MBD2: variants seen among roughly 807,000 people sequenced by gnomAD.
MBD2 encodes the protein methyl-CpG-binding domain protein 2.
MBD2 carries 9 observed loss-of-function variants against 39.3 expected under a neutral mutation model. The observed-to-expected ratio is 0.23, with a 90% CI of 0.14 to 0.40. The LOEUF is 0.40. Ranked by LOEUF, MBD2 falls within the 10% of genes least tolerant of loss-of-function variation. MBD2 has a pLI of 1.00. For missense variants in MBD2, 458 were observed against 532.6 expected (o/e 0.86, Z 1.38); for synonymous variants, 233 against 211.1 (o/e 1.10, Z -0.90).
At chr18:54,180,939 C>T (rs1393972579) in intron 3 of MBD2, among the ~76,000 whole-genome samples, 1 of 116,404 alleles carries the variant, frequency 8.6e-6, no homozygotes, top group Non-Finnish European at 1.6e-5. Flanking sequence ...GACAGGGTCT[C>T]ATTCTGGAGT....
At chr18:54,206,562 G>GA (rs2086451168) in intron 1 of MBD2, among the ~76,000 whole-genome samples, 1 of 152,178 alleles carries the variant, frequency 6.6e-6, no homozygotes, top group Non-Finnish European at 1.5e-5. Context: ...CTTGGAACAA[G>GA]AAAACTTCTA....
intron 4 of MBD2, among the ~76,000 whole-genome samples, chr18:54,165,135 A>G (rs1218511186): frequency 1.3e-5 from 2 of 152,204 alleles, no homozygotes; most frequent in Non-Finnish European, 2.9e-5. Context: ...GAGTACTGGT[A>G]TAGTCTCTCC....
intron 2 of MBD2, among the ~76,000 whole-genome samples, chr18:54,203,987 GAAAGTTTCTCATGACTGCATCAGCTAATA>G (rs1455505397): frequency 1.3e-5 from 2 of 152,212 alleles, no homozygotes; most frequent in African/African-American, 4.8e-5. Flanking sequence ...TGGAGCCTAA[GAAAGTTTCTCATGACTGCATCAGCTAATA>G]AGTAGCAGAG....
intron 2 of MBD2, among the ~76,000 whole-genome samples, chr18:54,201,100 A>C (rs1471864038): frequency 6.6e-6 from 1 of 151,068 alleles, no homozygotes; most frequent in African/African-American, 2.4e-5. Context: ...AAAAAAATTG[A>C]GTTATTCAGT....
intron 1 of MBD2, among the ~76,000 whole-genome samples, chr18:54,215,355 A>G (rs7233296): frequency 0.027 from 4,072 of 152,152 alleles, 181 homozygotes; most frequent in African/African-American, 0.093. Context: ...CTTTTACTTC[A>G]TTTTTCTCTT....
intron 1 of MBD2, among the ~76,000 whole-genome samples, chr18:54,210,552 G>T (rs2086495079): frequency 6.6e-6 from 1 of 152,134 alleles, no homozygotes; most frequent in Admixed American, 6.5e-5. Flanking sequence ...TGATAACATG[G>T]ATAATCATAA....
chr18:54,205,789 A>G (rs558058863), intron 1 of MBD2, among the ~76,000 whole-genome samples: 1 of 152,248 alleles, frequency 6.6e-6, no homozygotes, highest in Admixed American at 6.5e-5. Flanking sequence ...ACAGTGTAAC[A>G]GGCATACTAA....
At chr18:54,208,555 T>C (rs949870515) in intron 1 of MBD2, among the ~76,000 whole-genome samples, 1 of 152,114 alleles carries the variant, frequency 6.6e-6, no homozygotes, top group Admixed American at 6.5e-5. Flanking sequence ...TTTTGTGCAA[T>C]AAAAAACAGC....
At chr18:54,211,386 T>C (rs1412301788) in intron 1 of MBD2, among the ~76,000 whole-genome samples, 3 of 64,852 alleles carry the variant, frequency 4.6e-5, no homozygotes, top group Non-Finnish European at 8.9e-5. Context: ...ATATTATTGC[T>C]ATACACACAC....
intron 2 of MBD2, among the ~76,000 whole-genome samples, chr18:54,193,013 C>T (rs754108370): frequency 3.9e-5 from 6 of 152,128 alleles, no homozygotes; most frequent in Non-Finnish European, 5.9e-5. Flanking sequence ...GAAGCTCTGA[C>T]GACAGAATGT....
intron 1 of MBD2, among the ~76,000 whole-genome samples, chr18:54,211,028 C>T (rs566753096): frequency 6.6e-6 from 1 of 150,872 alleles, no homozygotes; most frequent in Non-Finnish European, 1.5e-5. Flanking sequence ...CCCGCCACTA[C>T]GCCCGGCTAA....
chr18:54,169,394 A>G lies in MBD2; in HGVS notation c.841-3228T>C, dbSNP rs186993256. 1.9e-3 allele frequency among the ~76,000 whole-genome samples: 288 copies of G among 151,138 alleles called. 1 individual carries two copies. Among genetic ancestry groups the G allele is most frequent in the African/African-American group, 6.7e-3 (273 of 40,492 alleles). ...TGATCTTTTCTCATTATCTTTGGCC[A>G]CTATGGGCCTCAGTGCTTCAGAGGG... On this transcript the variant is annotated intron_variant, in intron 3 of 6. Coordinates refer to ENST00000256429, the MANE Select transcript of MBD2 (RefSeq NM_003927.5).
chr18:54,185,354 T>C (rs2086278716), intron 3 of MBD2, among the ~76,000 whole-genome samples: 1 of 152,192 alleles, frequency 6.6e-6, no homozygotes, highest in Non-Finnish European at 1.5e-5. Flanking sequence ...GTGAATATTC[T>C]ATAAGAAATG....
At chr18:54,166,401 A>G (rs1349897851) in intron 3 of MBD2, among the ~76,000 whole-genome samples, 1 of 152,222 alleles carries the variant, frequency 6.6e-6, no homozygotes, top group East Asian at 1.9e-4. Flanking sequence ...ACTTGTTACA[A>G]TACTATAGAT....
In MBD2 at chr18:54,208,555, T is replaced by TA. The variant is rs1242556405; in HGVS notation, c.543-3399dup. Among the ~76,000 whole-genome samples the TA allele has an allele frequency of 3.3e-5, 5 of 152,232 alleles. No homozygotes were observed. In the East Asian group the frequency reaches 9.7e-4, roughly 29 times the overall value. ...TCTCACATAGATCTCTTTTGTGCAATAAAAAACAGCTCTAGAGTAGACACC... is the reference window on the plus strand; with the variant it reads ...TCTCACATAGATCTCTTTTGTGCAATAAAAAAACAGCTCTAGAGTAGACACC... On this transcript the variant is annotated intron_variant, in intron 1 of 6. Transcript: ENST00000256429.
rs568086169 is a variant in MBD2, at chr18:54,169,110, G to A, written c.841-2944C>T. Among the ~76,000 whole-genome samples the A allele has an allele frequency of 3.9e-5, 6 of 152,288 alleles. No homozygotes were observed. In the South Asian group the frequency reaches 1.2e-3, roughly 32 times the overall value. ...TTGCCCCAGATTGGGATGGAGGGGA[G>A]TCTGACAACAAAGGCTCAGCACAAG... On this transcript the variant is annotated intron_variant, in intron 3 of 6. Coordinates refer to ENST00000256429, the MANE Select transcript of MBD2 (RefSeq NM_003927.5).
At chr18:54,166,516 C>T (rs1433323403) in intron 3 of MBD2, among the ~76,000 whole-genome samples, 1 of 152,130 alleles carries the variant, frequency 6.6e-6, no homozygotes, top group African/African-American at 2.4e-5. Context: ...AATGCTACGA[C>T]TTATTAAGGA....
At chr18:54,163,725 C>T (rs1048091294) in intron 5 of MBD2, among the ~76,000 whole-genome samples, 40 of 152,036 alleles carry the variant, frequency 2.6e-4, no homozygotes, top group African/African-American at 9.2e-4. Flanking sequence ...ATTGCTTTAC[C>T]TGTGGCTTCT....
chr18:54,205,681 T>TC (rs779732864), intron 1 of MBD2, among the ~76,000 whole-genome samples: 37 of 151,092 alleles, frequency 2.4e-4, no homozygotes, highest in Admixed American at 8.6e-4. Flanking sequence ...AATATAATGC[T>TC]CCCCTAGGTA....
Sources: gnomAD v4.1 joint callset for allele counts (sites outside exome capture counted in the v4.1 genomes callset) on GRCh38, gnomAD v4.1.1 for gene constraint, MANE v1.5 for transcripts, NCBI Gene and HGNC (gene_info 2026-07-23, HGNC 2026-07-21) for gene names.